Variants in PCDHA2 observed in about 807,000 individuals in gnomAD.
The protein encoded by PCDHA2 is protocadherin alpha 2, also known as protocadherin alpha-2.
PCDHA2 carries 58 observed loss-of-function variants against 66.0 expected under a neutral mutation model. That is an observed-to-expected ratio of 0.88 (90% CI 0.71 to 1.09). PCDHA2 has a LOEUF of 1.09. Among genes scored for constraint, PCDHA2 ranks in the 50% least tolerant of loss-of-function variants. PCDHA2 has a pLI of 0.00. For synonymous variants in PCDHA2, 634 were observed against 554.0 expected (o/e 1.14, Z -2.03); for missense variants, 1,267 against 1,242.3 (o/e 1.02, Z -0.30).
At chr5:140,832,322 A>C (rs187612308) in intron 1 of PCDHA2, among the ~76,000 whole-genome samples, 11 of 152,360 alleles carry the variant, frequency 7.2e-5, no homozygotes, top group African/African-American at 2.4e-4. Context: ...CTTAAGGGCC[A>C]TTAGAGGACT....
Position 140,801,018 on chromosome 5 carries a change from A to G in PCDHA2, c.2388+3666A>G. On this transcript the variant is annotated intron_variant, in intron 1 of 3. Transcript: ENST00000526136. ...GTTTAGCCACATGATGTCGCTGTCCACCACAAGGTCTTTCTCCACAAAAGA... is the reference window on the plus strand; with the variant it reads ...GTTTAGCCACATGATGTCGCTGTCCGCCACAAGGTCTTTCTCCACAAAAGA... 2 of 1,417,238 alleles carry G rather than the reference A, an allele frequency of 1.4e-6. 1 individual carries two copies. The highest frequency in any genetic ancestry group is 1.8e-6 in the Non-Finnish European group (2 of 1,090,858). 87.8% of individuals were successfully genotyped at this position (1,417,238 alleles called of 1,614,324 possible). A position where few individuals can be genotyped will look rare whatever the true frequency, so the allele number is the denominator to read the frequency against.
intron 1 of PCDHA2, among the ~76,000 whole-genome samples, chr5:140,891,067 C>G (rs2062935872): frequency 6.6e-6 from 1 of 152,096 alleles, no homozygotes; most frequent in Admixed American, 6.6e-5. Flanking sequence ...AAATATTATT[C>G]CAGTGTCTAC....
At chr5:140,958,998 C>T (rs868985322) in intron 1 of PCDHA2, among the ~76,000 whole-genome samples, 5 of 151,906 alleles carry the variant, frequency 3.3e-5, no homozygotes, top group South Asian at 2.1e-4. Flanking sequence ...TAATCTTTTA[C>T]TGTACCTAAT....
In PCDHA2 at chr5:140,794,906, A is replaced by C. The variant is rs539937360; in HGVS notation, c.-59A>C. 1.3e-6 allele frequency: 2 copies of C among 1,509,630 alleles called. No individual in the cohort carries two copies. Among genetic ancestry groups the C allele is most frequent in the Admixed American group, 4.2e-5 (2 of 47,334 alleles). The allele number at this position is 1,509,630 out of a possible 1,614,324, so 93.5% of individuals were successfully genotyped here. On this transcript the variant is annotated 5_prime_UTR_variant, in exon 1 of 4. Transcript: ENST00000526136. Reference sequence around the variant, plus strand: ...CAGCAGGACTTTAACAGAGACTAGAATATTTAAATTTTTGCAAAACATGCT... The same window carrying C: ...CAGCAGGACTTTAACAGAGACTAGACTATTTAAATTTTTGCAAAACATGCT...
chr5:140,922,652 T>C (rs371970165), intron 1 of PCDHA2, among the ~76,000 whole-genome samples: 4 of 152,156 alleles, frequency 2.6e-5, no homozygotes, highest in African/African-American at 9.7e-5. Context: ...ACAGTAAATA[T>C]GGCTATACTG....
intron 1 of PCDHA2, chr5:140,882,237 T>C (rs2059015707): frequency 8.2e-6 from 13 of 1,582,128 alleles, no homozygotes; most frequent in Non-Finnish European, 1.1e-5. Context: ...TTGTATATAT[T>C]GCAGATAGCT....
chr5:141,009,501 C>T (rs2098410009), intron 3 of PCDHA2, 126 bp from the exon 4 acceptor site: 4 of 1,492,480 alleles, frequency 2.7e-6, no homozygotes, highest in Non-Finnish European at 3.6e-6. Context: ...CAGACTTGAA[C>T]AAACAACTCG....
At position 140,795,892 on chromosome 5, in the gene PCDHA2, T is replaced by A. The variant is rs1455564883; in HGVS notation, c.928T>A (p.Tyr310Asn). 5 of 1,613,876 alleles carry A rather than the reference T, an allele frequency of 3.1e-6. No individual in the cohort carries two copies. Among genetic ancestry groups the A allele is most frequent in the Non-Finnish European group, 4.2e-6 (5 of 1,179,988 alleles). ...AATCAGAACTAAGGGAAAATTAGAT[T>A]ATGAAGAAGCAAAGTCCTACGAGAT... ...GEIRTKGKLD[Y>N]EEAKSYEIQV... Residue 310 changes from tyrosine to asparagine, a missense_variant, in exon 1 of 4, where the codon TAT (tyrosine) becomes AAT (asparagine). By Grantham distance (143) the Tyr-to-Asn change is moderately radical (BLOSUM62 -2). Coordinates refer to ENST00000526136, the MANE Select transcript of PCDHA2 (RefSeq NM_018905.3).
At chr5:140,924,901 A>AAAAAT (rs10667761) in intron 1 of PCDHA2, among the ~76,000 whole-genome samples, 10,380 of 79,870 alleles carry the variant, frequency 0.13, 426 homozygotes, top group East Asian at 0.37. Context: ...TCTCAAAAAA[A>AAAAAT]AAAATAAAAT....
intron 1 of PCDHA2, chr5:140,843,100 G>C: frequency 6.3e-7 from 1 of 1,595,760 alleles, no homozygotes; most frequent in East Asian, 2.2e-5. Flanking sequence ...TGGTAGCGAA[G>C]GTGCGCGCAG....
At chr5:140,802,903 G>T in intron 1 of PCDHA2, 1 of 1,613,792 alleles carries the variant, frequency 6.2e-7, no homozygotes. Context: ...CTGATGCCTC[G>T]GGTGGGTGGC....
At chr5:140,903,636 T>C (rs1330875573) in intron 1 of PCDHA2, among the ~76,000 whole-genome samples, 3 of 152,236 alleles carry the variant, frequency 2.0e-5, no homozygotes, top group African/African-American at 7.2e-5. Context: ...TGTATGCATA[T>C]ACCATATACA....
At chr5:140,840,796 G>C (rs1776878567) in intron 1 of PCDHA2, among the ~76,000 whole-genome samples, 1 of 152,038 alleles carries the variant, frequency 6.6e-6, no homozygotes. Flanking sequence ...GCTCACCTCA[G>C]AGTAATATAT....
intron 1 of PCDHA2, chr5:140,830,412 C>G (rs2150186226): frequency 6.2e-7 from 1 of 1,614,064 alleles, no homozygotes; most frequent in Non-Finnish European, 8.5e-7. Flanking sequence ...GCCTTTAGCC[C>G]CAGCCTTTCA....
chr5:140,823,270 G>A, intron 1 of PCDHA2: 1 of 1,612,658 alleles, frequency 6.2e-7, no homozygotes, highest in Non-Finnish European at 8.5e-7. Flanking sequence ...GCGGCGGGTG[G>A]GCGAGCGCCC....
intron 1 of PCDHA2, among the ~76,000 whole-genome samples, chr5:140,806,487 A>G (rs1223132599): frequency 4.6e-5 from 7 of 152,208 alleles, no homozygotes; most frequent in African/African-American, 1.7e-4. Flanking sequence ...TTCAGCCCTG[A>G]CATGACTCAA....
intron 1 of PCDHA2, chr5:140,928,603 C>A: frequency 1.2e-6 from 2 of 1,614,208 alleles, no homozygotes; most frequent in South Asian, 2.2e-5. Flanking sequence ...GGAAATTGTG[C>A]CCCGCTCTGC....
rs139974024 is a variant in PCDHA2 at position 140,967,301 on chromosome 5, G to A, written c.2389-11648G>A. 5.0e-5 allele frequency: 81 copies of A among 1,612,148 alleles called. No homozygotes were observed. In the African/African-American group the frequency reaches 9.1e-4, roughly 18 times the overall value. ...GAGTGCGCAGGACCCCGACGTGGGC[G>A]CCAACTCAGTACAGACCTACGAGCT... On this transcript the variant is annotated intron_variant, in intron 1 of 3. Coordinates refer to ENST00000526136, the MANE Select transcript of PCDHA2 (RefSeq NM_018905.3).
intron 1 of PCDHA2, chr5:140,842,710 C>A: frequency 1.3e-6 from 2 of 1,595,124 alleles, no homozygotes; most frequent in Non-Finnish European, 1.7e-6. Context: ...ACACGGTGTT[C>A]GTGAAGGAGA....
Sources: gnomAD v4.1 joint callset for allele counts (sites outside exome capture counted in the v4.1 genomes callset) on GRCh38, gnomAD v4.1.1 for gene constraint, MANE v1.5 for transcripts, NCBI Gene and HGNC (gene_info 2026-07-23, HGNC 2026-07-21) for gene names.